The following FARP1 variants were observed in gnomAD, a reference collection of about 807,000 sequenced individuals.
FARP1 encodes FERM, ARHGEF and pleckstrin domain-containing protein 1.
Under a neutral mutation model 128.8 loss-of-function variants are expected in FARP1, and 52 were observed. The ratio of observed to expected loss-of-function variants is 0.40; its 90% CI spans 0.32 to 0.51. The LOEUF (loss-of-function observed/expected upper bound fraction) is 0.51, where lower values mean the gene tolerates loss of function less well. Ranked by LOEUF, FARP1 falls within the 20% of genes least tolerant of loss-of-function variation. The probability of loss-of-function intolerance (pLI) is 0.45; values close to 1 mark genes in which losing one functional copy is unlikely to be tolerated. For synonymous variants in FARP1, 580 were observed against 551.8 expected, an observed-to-expected ratio of 1.05 and a Z score of -0.72; for missense variants, 1,333 against 1,367.9, an observed-to-expected ratio of 0.97 and a Z score of 0.40.
At chr13:98,276,048 G>A (rs911848949) in intron 2 of FARP1, among the ~76,000 whole-genome samples, 4 of 152,156 alleles carry the variant, frequency 2.6e-5, no homozygotes, top group African/African-American at 9.7e-5. Flanking sequence ...ACAGGCAGAT[G>A]GAATTCTGCC....
intron 1 of FARP1, among the ~76,000 whole-genome samples, chr13:98,180,048 G>A (rs771234950): frequency 7.9e-5 from 12 of 152,114 alleles, no homozygotes; most frequent in Non-Finnish European, 1.5e-4. Context: ...GAAAGGCTAG[G>A]GAAAGGCTGC....
chr13:98,236,727 C>T (rs904583418), intron 2 of FARP1, among the ~76,000 whole-genome samples: 1 of 152,152 alleles, frequency 6.6e-6, no homozygotes, highest in African/African-American at 2.4e-5. Context: ...TGGTGGCTCA[C>T]GCCTGTAATG....
intron 1 of FARP1, chr13:98,177,251 C>T (rs1341262914): frequency 9.8e-6 from 15 of 1,533,116 alleles, no homozygotes; most frequent in Non-Finnish European, 1.2e-5. Flanking sequence ...GAGTCTCAGG[C>T]TCCCAACGGC....
At chr13:98,331,204 A>C (rs624634) in intron 2 of FARP1, among the ~76,000 whole-genome samples, 4,615 of 152,294 alleles carry the variant, frequency 0.03, 216 homozygotes, top group African/African-American at 0.1. Context: ...GTCCTTCTAG[A>C]CTGTCAGCAT....
intron 1 of FARP1, among the ~76,000 whole-genome samples, chr13:98,204,800 CTGGTGG>C (rs1287856167): frequency 6.6e-6 from 1 of 151,996 alleles, no homozygotes; most frequent in Non-Finnish European, 1.5e-5. Context: ...TGCATACTAA[CTGGTGG>C]TGGTGGTGGT....
At chr13:98,362,965 T>C (rs1888932951) in intron 3 of FARP1, among the ~76,000 whole-genome samples, 1 of 152,224 alleles carries the variant, frequency 6.6e-6, no homozygotes, top group Non-Finnish European at 1.5e-5. Context: ...TTTCTCAAAC[T>C]CTACTTCTGC....
intron 2 of FARP1, among the ~76,000 whole-genome samples, chr13:98,289,966 T>G (rs2139660728): frequency 6.6e-6 from 1 of 152,300 alleles, no homozygotes. Flanking sequence ...GGTCAGTGTT[T>G]CATACACACG....
In FARP1 at chr13:98,315,437, TA is replaced by T. The variant is rs112200767; in HGVS notation, c.172-28322del. On this transcript the variant is annotated intron_variant, in intron 2 of 26. Coordinates refer to ENST00000319562, the MANE Select transcript of FARP1 (RefSeq NM_005766.4). ...AGTGTTTTATGCGAAGATGGTCCAT[TA>T]AACCAGCTGATGTGTTATGATCAAG... is the stretch of plus-strand genomic sequence containing the variant. Among the ~76,000 whole-genome samples the T allele has an allele frequency of 8.0e-3, 1,219 of 152,298 alleles. 17 individuals are homozygous for T. The highest frequency in any genetic ancestry group is 0.025 in the African/African-American group (1,058 of 41,556).
intron 1 of FARP1, among the ~76,000 whole-genome samples, chr13:98,204,792 CA>C (rs1880165750): frequency 6.6e-6 from 1 of 152,046 alleles, no homozygotes; most frequent in South Asian, 2.1e-4. Flanking sequence ...AGACTTTGTG[CA>C]TACTAACTGG....
chr13:98,388,341 G>A, intron 8 of FARP1, 42 bp from the exon 9 acceptor site: 1 of 1,479,566 alleles, frequency 6.8e-7, no homozygotes, highest in Non-Finnish European at 9.5e-7. Flanking sequence ...CAAGTTGCTT[G>A]TTATGCATTT....
At chr13:98,333,486 A>G (rs1250467513) in intron 2 of FARP1, 2 of 145,526 alleles carry the variant, frequency 1.4e-5, no homozygotes, top group Non-Finnish European at 3.0e-5. Context: ...CACAAAATCT[A>G]TCTTTGCAGA....
chr13:98,343,870 G>C lies in FARP1; in HGVS notation c.276+4G>C. 2 of 1,576,222 alleles carry C rather than the reference G, an allele frequency of 1.3e-6. No homozygotes were observed. The highest frequency in any genetic ancestry group is 1.7e-6 in the Non-Finnish European group (2 of 1,146,926). On this transcript the variant is annotated splice_donor_region_variant and intron_variant, in intron 3 of 26. Transcript: ENST00000319562. ...TCCTGATCACAAAAAGATCACGGTA[G>C]GTGATGTCAACTTAATGTTACTATT...
chr13:98,160,455 TAAAAAAAA>T (rs1876800049), intron 1 of FARP1, among the ~76,000 whole-genome samples: 1 of 152,072 alleles, frequency 6.6e-6, no homozygotes, highest in East Asian at 1.9e-4. Context: ...ACTGAGGCTT[TAAAAAAAA>T]TTTAAAAATA....
intron 17 of FARP1, among the ~76,000 whole-genome samples, chr13:98,426,658 TTGTTTTTTCACTG>T (rs2139022269): frequency 1.3e-5 from 2 of 152,322 alleles, no homozygotes; most frequent in South Asian, 4.1e-4. Flanking sequence ...AGGTATTGTT[TTGTTTTTTCACTG>T]TGTTCAAACA....
At chr13:98,278,563 G>A (rs1041095361) in intron 2 of FARP1, among the ~76,000 whole-genome samples, 2 of 152,086 alleles carry the variant, frequency 1.3e-5, no homozygotes, top group Middle Eastern at 3.2e-3. Flanking sequence ...GTCCTCCCTG[G>A]AGAACATCCT....
intron 3 of FARP1, among the ~76,000 whole-genome samples, chr13:98,364,727 A>T (rs1248280615): frequency 6.6e-6 from 1 of 152,244 alleles, no homozygotes; most frequent in Non-Finnish European, 1.5e-5. Flanking sequence ...CTCTTCCTTG[A>T]AAAGTTCGCT....
intron 1 of FARP1, among the ~76,000 whole-genome samples, chr13:98,162,958 A>G (rs285102): frequency 0.54 from 81,785 of 152,032 alleles, 25,216 homozygotes; most frequent in East Asian, 0.73. Flanking sequence ...CAACTGAGCA[A>G]TCTCATTACT....
chr13:98,244,538 G>A (rs1882956160), intron 2 of FARP1: 18 of 1,614,022 alleles, frequency 1.1e-5, no homozygotes, highest in Non-Finnish European at 1.4e-5. Context: ...CCTCCTGGAC[G>A]GGTTGGGTAC....
intron 11 of FARP1, 47 bp downstream of exon 11, chr13:98,390,927 C>A: frequency 1.6e-6 from 2 of 1,263,586 alleles, no homozygotes; most frequent in South Asian, 1.2e-5. Flanking sequence ...GGCTCAGACT[C>A]GCCAGGTAAC....
Sources: allele counts gnomAD v4.1 joint callset (sites outside exome capture counted in the v4.1 genomes callset), GRCh38; gene constraint gnomAD v4.1.1; transcripts MANE v1.5; gene names NCBI Gene and HGNC (gene_info 2026-07-23, HGNC 2026-07-21).